AGBL1: variants seen among roughly 807,000 people sequenced by gnomAD.
AGBL1 encodes AGBL carboxypeptidase 1.
A neutral mutation model predicts 118.9 loss-of-function variants in AGBL1; 130 were observed. The observed-to-expected ratio is 1.09, with a 90% CI of 0.95 to 1.26. AGBL1 has a LOEUF of 1.26. Among genes scored for constraint, AGBL1 ranks in the 50% most tolerant of loss-of-function variants. AGBL1 has a pLI of 0.00. For synonymous variants in AGBL1, 555 were observed against 478.9 expected, an observed-to-expected ratio of 1.16 and a Z score of -2.08; for missense variants, 1,584 against 1,298.1, an observed-to-expected ratio of 1.22 and a Z score of -3.38.
At chr15:86,289,812 C>T (rs2079515806) in intron 16 of AGBL1, among the ~76,000 whole-genome samples, 2 of 152,168 alleles carry the variant, frequency 1.3e-5, no homozygotes, top group Non-Finnish European at 2.9e-5. Context: ...GTCTCCTCAT[C>T]TCAAATTTCC....
At chr15:86,294,637 T>A (rs1400464466) in intron 16 of AGBL1, among the ~76,000 whole-genome samples, 1 of 152,076 alleles carries the variant, frequency 6.6e-6, no homozygotes, top group Non-Finnish European at 1.5e-5. Context: ...GCTGTAGAAG[T>A]TTTCTGTCTC....
chr15:86,264,428 G>A lies in AGBL1; in HGVS notation c.1257G>A (p.Val419=). Reference sequence around the variant, plus strand: ...TCCAGACTTCCCTTCTGTGCAGGGTGAAGACGGGAAGGTCCACTGTGCATC... The same window carrying A: ...TCCAGACTTCCCTTCTGTGCAGGGTAAAGACGGGAAGGTCCACTGTGCATC... ...YAVQTSLLCR[V]KTGRSTVHLG... Residue 419 remains valine (V), a synonymous_variant, in exon 11 of 23, where the codon GTG becomes GTA. Transcript: ENST00000614907. The A allele has an allele frequency of 6.2e-7, 1 of 1,613,996 alleles. No individual in the cohort carries two copies. Among genetic ancestry groups the A allele is most frequent in the African/African-American group, 1.3e-5 (1 of 75,044 alleles).
chr15:86,721,224 G>C (rs576185894), intron 22 of AGBL1, among the ~76,000 whole-genome samples: 1 of 152,274 alleles, frequency 6.6e-6, no homozygotes, highest in Admixed American at 6.5e-5. Flanking sequence ...CAATATTCCT[G>C]ATGAACATCG....
chr15:86,652,511 G>T (rs566879013), intron 21 of AGBL1, among the ~76,000 whole-genome samples: 9 of 152,184 alleles, frequency 5.9e-5, no homozygotes, highest in African/African-American at 2.2e-4. Flanking sequence ...CCGAGATGTG[G>T]TTTAGCTGCT....
At chr15:86,647,430 G>A (rs570836725) in intron 21 of AGBL1, among the ~76,000 whole-genome samples, 4 of 152,356 alleles carry the variant, frequency 2.6e-5, no homozygotes, top group African/African-American at 9.6e-5. Flanking sequence ...GCTGGGCGCA[G>A]CGCCTTACGC....
At chr15:86,382,259 T>C (rs2081122878) in intron 17 of AGBL1, among the ~76,000 whole-genome samples, 1 of 152,162 alleles carries the variant, frequency 6.6e-6, no homozygotes, top group African/African-American at 2.4e-5. Context: ...AGGAAGGTTT[T>C]AGGATGGCAG....
chr15:86,572,159 G>T (rs1171939640), intron 21 of AGBL1, among the ~76,000 whole-genome samples: 1 of 152,192 alleles, frequency 6.6e-6, no homozygotes, highest in Non-Finnish European at 1.5e-5. Context: ...CAGGCAGTGG[G>T]AGCAGGCACT....
At chr15:86,483,513 A>G (rs908001070) in intron 18 of AGBL1, among the ~76,000 whole-genome samples, 1 of 152,080 alleles carries the variant, frequency 6.6e-6, no homozygotes, top group Non-Finnish European at 1.5e-5. Flanking sequence ...AGGAACTCAT[A>G]TTCTGAGGTT....
At chr15:86,946,195 GCTA>G (rs2080818638) in intron 23 of AGBL1, 1 of 152,216 alleles carries the variant, frequency 6.6e-6, no homozygotes, top group Non-Finnish European at 1.5e-5. Context: ...GTGTTAAGGG[GCTA>G]CTATTTGGTT....
At chr15:86,939,372 C>G (rs2080717464) in intron 23 of AGBL1, among the ~76,000 whole-genome samples, 1 of 152,136 alleles carries the variant, frequency 6.6e-6, no homozygotes, top group African/African-American at 2.4e-5. Flanking sequence ...CATCAGACTC[C>G]AAGTTCTTCA....
chr15:86,901,228 T>C (rs1039170962), intron 22 of AGBL1, among the ~76,000 whole-genome samples: 1 of 152,196 alleles, frequency 6.6e-6, no homozygotes, highest in Non-Finnish European at 1.5e-5. Flanking sequence ...TTCTAAAAGA[T>C]TTTTTTAAAG....
At chr15:86,670,541 T>G (rs2085723047) in intron 21 of AGBL1, among the ~76,000 whole-genome samples, 1 of 149,428 alleles carries the variant, frequency 6.7e-6, no homozygotes, top group African/African-American at 2.5e-5. Flanking sequence ...GAGGCAGAGG[T>G]TGCAGTGAGC....
rs370975319 is a variant in AGBL1, at chr15:86,831,330, T to C, written c.3159-75757T>C. Among the ~76,000 whole-genome samples the C allele has an allele frequency of 2.9e-4, 44 of 152,172 alleles. 2 individuals carry two copies. The highest frequency in any genetic ancestry group is 1.8e-3 in the Admixed American group (28 of 15,270). On this transcript the variant is annotated intron_variant, in intron 22 of 22. Coordinates refer to ENST00000614907, the MANE Select transcript of AGBL1 (RefSeq NM_001386094.1). ...ATGCCTTCTCAACAGTTCCTCAAAG[T>C]CTTAACTTATTTTAGCATTAACTCA...
chr15:86,799,067 A>G (rs1448657122), intron 22 of AGBL1, among the ~76,000 whole-genome samples: 1 of 151,994 alleles, frequency 6.6e-6, no homozygotes, highest in Non-Finnish European at 1.5e-5. Context: ...GTGTCTGGGT[A>G]GGAATCAGAC....
intron 18 of AGBL1, among the ~76,000 whole-genome samples, chr15:86,483,644 G>T (rs1489417076): frequency 6.6e-6 from 1 of 152,066 alleles, no homozygotes; most frequent in African/African-American, 2.4e-5. Flanking sequence ...AAAAGTTGAT[G>T]ATTACTTAAC....
intron 1 of AGBL1, among the ~76,000 whole-genome samples, chr15:86,087,110 T>G (rs915473212): frequency 1.3e-5 from 2 of 152,220 alleles, no homozygotes; most frequent in Non-Finnish European, 2.9e-5. Context: ...GCGAAAGCAC[T>G]GGATATTACT....
chr15:86,890,287 T>C (rs1417943626), intron 22 of AGBL1, among the ~76,000 whole-genome samples: 1 of 152,220 alleles, frequency 6.6e-6, no homozygotes, highest in African/African-American at 2.4e-5. Flanking sequence ...CTCTGTGTAT[T>C]AGACATTTGT....
At chr15:86,414,784 T>C (rs990972646) in intron 18 of AGBL1, among the ~76,000 whole-genome samples, 63 of 152,254 alleles carry the variant, frequency 4.1e-4, no homozygotes, top group African/African-American at 1.4e-3. Flanking sequence ...TCCCCAGGCT[T>C]TTAACTGAGA....
chr15:86,330,245 T>A (rs1002698100), intron 17 of AGBL1, among the ~76,000 whole-genome samples: 2 of 152,210 alleles, frequency 1.3e-5, no homozygotes. Context: ...TATACCCAGC[T>A]GCATTGGCCA....
Sources: allele counts gnomAD v4.1 joint callset (sites outside exome capture counted in the v4.1 genomes callset), GRCh38; gene constraint gnomAD v4.1.1; transcripts MANE v1.5; gene names NCBI Gene and HGNC (gene_info 2026-07-23, HGNC 2026-07-21).